Variants in CDIN1 observed in about 807,000 individuals in gnomAD.
CDIN1 encodes CDAN1-interacting nuclease 1.
A neutral mutation model predicts 45.3 loss-of-function variants in CDIN1; 33 were observed. The observed-to-expected ratio is 0.73, with a 90% CI of 0.55 to 0.97. The LOEUF (loss-of-function observed/expected upper bound fraction) is 0.97, where lower values mean the gene tolerates loss of function less well. Ranked by LOEUF, CDIN1 falls within the 50% of genes least tolerant of loss-of-function variation. CDIN1 has a pLI of 0.00. For missense variants in CDIN1, 303 were observed against 339.4 expected (o/e 0.89, Z 0.84); for synonymous variants, 118 against 124.4 (o/e 0.95, Z 0.34).
Position 36,632,902 on chromosome 15 carries a change from C to G in CDIN1, c.102-11376C>G, listed in dbSNP as rs141870343. On this transcript the variant is annotated intron_variant, in intron 1 of 10. Transcript: ENST00000566621. Reference sequence around the variant, plus strand: ...TGGTCTTGCAAGTGAAATTAAGTGTCACACAAGCCTCTTATTCTTTACCTG... The same window carrying G: ...TGGTCTTGCAAGTGAAATTAAGTGTGACACAAGCCTCTTATTCTTTACCTG... Among the ~76,000 whole-genome samples, 25 of 152,316 alleles carry G rather than the reference C, an allele frequency of 1.6e-4. No individual in the cohort carries two copies. The East Asian group carries it at 4.6e-3, about 28-fold the overall frequency.
At chr15:36,691,033 T>A (rs1261694623) in intron 5 of CDIN1, 7 of 412,158 alleles carry the variant, frequency 1.7e-5, no homozygotes, top group African/African-American at 1.4e-4. Context: ...GAGGCATATT[T>A]TGGGTGGAAA....
intron 10 of CDIN1, among the ~76,000 whole-genome samples, chr15:36,785,232 T>C (rs1456591097): frequency 6.6e-6 from 1 of 152,194 alleles, no homozygotes; most frequent in Non-Finnish European, 1.5e-5. Flanking sequence ...GGTGTTCTCA[T>C]AGACTTTGGT....
intron 1 of CDIN1, among the ~76,000 whole-genome samples, chr15:36,624,901 C>T (rs2039349960): frequency 6.6e-6 from 1 of 152,046 alleles, no homozygotes; most frequent in South Asian, 2.1e-4. Flanking sequence ...GTTTCTGTGA[C>T]CTATTAAATT....
intron 1 of CDIN1, among the ~76,000 whole-genome samples, chr15:36,588,843 G>A (rs58978660): frequency 0.025 from 3,820 of 152,174 alleles, 157 homozygotes; most frequent in African/African-American, 0.087. Flanking sequence ...GCTGCGAAAG[G>A]GATATGAGCT....
chr15:36,808,274 A>G, intron 10 of CDIN1, 50 bp from the exon 11 acceptor site: 1 of 1,592,142 alleles, frequency 6.3e-7, no homozygotes, highest in South Asian at 1.1e-5. Flanking sequence ...ACTTTTTTCA[A>G]GAGCTCTGTT....
chr15:36,709,466 A>G (rs1007043979), intron 9 of CDIN1, among the ~76,000 whole-genome samples, 178 bp downstream of exon 9: 14 of 152,186 alleles, frequency 9.2e-5, no homozygotes, highest in African/African-American at 2.9e-4. Flanking sequence ...TCTTTTGCAT[A>G]TATTGAGAAA....
chr15:36,598,984 T>C (rs1374951051), intron 1 of CDIN1, among the ~76,000 whole-genome samples: 2 of 152,224 alleles, frequency 1.3e-5, no homozygotes, highest in Non-Finnish European at 1.5e-5. Flanking sequence ...AGCTGTACGC[T>C]GTATTGCCTA....
intron 1 of CDIN1, among the ~76,000 whole-genome samples, chr15:36,584,523 T>C (rs936801958): frequency 6.6e-6 from 1 of 152,256 alleles, no homozygotes; most frequent in African/African-American, 2.4e-5. Context: ...CATGCGTTTG[T>C]ATGATTATCA....
intron 1 of CDIN1, among the ~76,000 whole-genome samples, chr15:36,634,245 A>G (rs550949091): frequency 1.9e-3 from 291 of 152,162 alleles, no homozygotes; most frequent in African/African-American, 5.9e-3. Flanking sequence ...CCTGGCCAAC[A>G]TGGTGAAACC....
intron 5 of CDIN1, among the ~76,000 whole-genome samples, chr15:36,681,334 T>C (rs1281084933): frequency 6.6e-6 from 1 of 151,930 alleles, no homozygotes; most frequent in African/African-American, 2.4e-5. Context: ...ACAAGAAAAT[T>C]TAGTGAATTC....
At position 36,809,725 on chromosome 15, in the gene CDIN1, T is replaced by G. The variant is rs2055339357; in HGVS notation, c.*1272T>G. On this transcript the variant is annotated 3_prime_UTR_variant, in exon 11 of 11. Coordinates refer to ENST00000566621, the MANE Select transcript of CDIN1 (RefSeq NM_001321759.2). ...ATACTAATAACAACAATGTAATTTTTGCAGACAGCTTTAACTTATATACAT... is the reference window on the plus strand; with the variant it reads ...ATACTAATAACAACAATGTAATTTTGGCAGACAGCTTTAACTTATATACAT... 3 of 152,226 alleles carry G rather than the reference T, an allele frequency of 2.0e-5. No individual in the cohort carries two copies. Among genetic ancestry groups the G allele is most frequent in the African/African-American group, 7.2e-5 (3 of 41,464 alleles). The allele number at this position is 152,226 out of a possible 1,614,324, so 9.4% of individuals were successfully genotyped here.
At chr15:36,711,552 A>G (rs1160490710) in intron 10 of CDIN1, among the ~76,000 whole-genome samples, 1 of 152,162 alleles carries the variant, frequency 6.6e-6, no homozygotes. Flanking sequence ...ATTTAATACA[A>G]TTTCCTTTGG....
intron 1 of CDIN1, among the ~76,000 whole-genome samples, chr15:36,588,694 A>T (rs772077101): frequency 8.2e-5 from 12 of 145,490 alleles, no homozygotes; most frequent in Admixed American, 1.3e-4. Context: ...TATTATTATT[A>T]TTTTTTTACT....
intron 1 of CDIN1, among the ~76,000 whole-genome samples, chr15:36,585,944 G>T (rs895246842): frequency 1.5e-4 from 23 of 152,080 alleles, no homozygotes; most frequent in Admixed American, 5.2e-4. Context: ...TCACAAAACA[G>T]GCTCTACCTG....
intron 1 of CDIN1, among the ~76,000 whole-genome samples, chr15:36,632,463 C>T (rs1422502217): frequency 2.0e-5 from 3 of 152,174 alleles, no homozygotes; most frequent in Non-Finnish European, 2.9e-5. Flanking sequence ...CCCAGGACAC[C>T]ACACCCAGAC....
At chr15:36,597,974 T>C (rs181006252) in intron 1 of CDIN1, among the ~76,000 whole-genome samples, 1 of 152,170 alleles carries the variant, frequency 6.6e-6, no homozygotes, top group Non-Finnish European at 1.5e-5. Context: ...TTATCACTCA[T>C]AAATGGACGT....
At chr15:36,755,853 A>G (rs907549673) in intron 10 of CDIN1, 2 of 242,860 alleles carry the variant, frequency 8.2e-6, no homozygotes, top group African/African-American at 4.6e-5. Context: ...ATTTATGTGG[A>G]TCACAAGAGC....
At chr15:36,773,360 C>A (rs2054129322) in intron 10 of CDIN1, among the ~76,000 whole-genome samples, 2 of 152,194 alleles carry the variant, frequency 1.3e-5, no homozygotes. Context: ...CTGTCTAATA[C>A]CATAATCACT....
intron 1 of CDIN1, among the ~76,000 whole-genome samples, chr15:36,611,586 C>T (rs541492923): frequency 3.3e-5 from 5 of 152,202 alleles, no homozygotes; most frequent in African/African-American, 9.6e-5. Flanking sequence ...ATGTCCATAC[C>T]TCATAAAATC....
Sources: gnomAD v4.1 joint callset for allele counts (sites outside exome capture counted in the v4.1 genomes callset) on GRCh38, gnomAD v4.1.1 for gene constraint, MANE v1.5 for transcripts, NCBI Gene and HGNC (gene_info 2026-07-23, HGNC 2026-07-21) for gene names.